The following UBA2 variants were observed in gnomAD, a reference collection of about 807,000 sequenced individuals.
The protein encoded by UBA2 is ubiquitin like modifier activating enzyme 2, also known as SUMO-activating enzyme subunit 2.
In UBA2, 11 loss-of-function variants were observed where a neutral mutation model predicts 77.2. The observed-to-expected ratio is 0.14, with a 90% CI of 0.09 to 0.24. The LOEUF (loss-of-function observed/expected upper bound fraction) is 0.24. Ranked by LOEUF, UBA2 falls within the 10% of genes least tolerant of loss-of-function variation. The pLI, the probability that UBA2 is intolerant of heterozygous loss-of-function variation, is 1.00. For synonymous variants in UBA2, 278 were observed against 276.7 expected (o/e 1.00, Z -0.05); for missense variants, 487 against 781.7 (o/e 0.62, Z 4.50).
intron 12 of UBA2, among the ~76,000 whole-genome samples, chr19:34,456,957 T>G (rs1489705237): frequency 6.6e-6 from 1 of 151,484 alleles, no homozygotes; most frequent in African/African-American, 2.4e-5. Context: ...CTGAACTTAT[T>G]AAAATGTCTG....
chr19:34,434,397 T>C (rs1006722016), intron 4 of UBA2, among the ~76,000 whole-genome samples: 1 of 152,236 alleles, frequency 6.6e-6, no homozygotes. Context: ...ATTATGGGCA[T>C]GAGCCAGTGC....
chr19:34,469,123 A>G lies in UBA2; in HGVS notation c.1825A>G (p.Ser609Gly), dbSNP rs2075715776. The change falls in exon 17 of 17, where the codon AGC (serine) becomes GGC (glycine). Residue 609 changes from serine to glycine, a missense_variant. This residue lies in a region of UBA2 where 40 missense variants were observed against 36.6 expected (regional missense o/e 1.09). Transcript: ENST00000246548. ...NNADVSEEER[S>G]RKRKLDEKEN... is the part of the protein sequence containing the mutation. ...TGCCGACGTCAGTGAAGAAGAGAGA[A>G]GCCGCAAGAGGAAATTAGATGAGAA... 1 of 1,613,612 alleles carries G rather than the reference A, an allele frequency of 6.2e-7. No homozygotes were observed. The highest frequency in any genetic ancestry group is 8.5e-7 in the Non-Finnish European group (1 of 1,179,802).
intron 5 of UBA2, among the ~76,000 whole-genome samples, chr19:34,435,698 C>T (rs929016300): frequency 6.6e-6 from 1 of 151,808 alleles, no homozygotes; most frequent in Non-Finnish European, 1.5e-5. Context: ...GGTGTGGAGG[C>T]GTGTACCTGT....
At chr19:34,455,197 T>G (rs1370204852) in intron 12 of UBA2, among the ~76,000 whole-genome samples, 1 of 152,222 alleles carries the variant, frequency 6.6e-6, no homozygotes, top group Admixed American at 6.5e-5. Context: ...TCAATACCTA[T>G]GTATTCAGAC....
In UBA2 at chr19:34,450,342, C is replaced by G. The variant is rs1283887774; in HGVS notation, c.849C>G (p.Asp283Glu). Residue 283 changes from aspartate to glutamate, a missense_variant, in exon 9 of 17, where the codon GAC (aspartate) becomes GAG (glutamate). Asp to Glu is a conservative substitution (Grantham distance 45). Coordinates refer to ENST00000246548, the MANE Select transcript of UBA2 (RefSeq NM_005499.3). ...WRKRKPPVPLDWAEVQSQGEE... is the reference protein window; with the variant it reads ...WRKRKPPVPLEWAEVQSQGEE... Reference sequence around the variant, plus strand: ...AAAGGAAACCTCCAGTTCCGTTGGACTGGGCTGAAGTACAAAGTCAAGGTA... The same window carrying G: ...AAAGGAAACCTCCAGTTCCGTTGGAGTGGGCTGAAGTACAAAGTCAAGGTA... 1 of 1,608,482 alleles carries G rather than the reference C, an allele frequency of 6.2e-7. No individual in the cohort carries two copies. The highest frequency in any genetic ancestry group is 1.3e-5 in the African/African-American group (1 of 74,528).
Position 34,470,424 on chromosome 19 carries a change from G to C in UBA2, c.*1203G>C, listed in dbSNP as rs1226834718. On this transcript the variant is annotated 3_prime_UTR_variant, in exon 17 of 17. Coordinates refer to ENST00000246548, the MANE Select transcript of UBA2 (RefSeq NM_005499.3). ...AGCTACTCAGGAGGCTGAGGCAGGA[G>C]GATGGCTGGAGCCCAGAAGTTCAAG... The C allele has an allele frequency of 6.6e-6, 1 of 152,270 alleles. No homozygotes were observed. The highest frequency in any genetic ancestry group is 6.5e-5 in the Admixed American group (1 of 15,282). The allele number at this position is 152,270 out of a possible 1,614,324, so 9.4% of individuals were successfully genotyped here.
intron 12 of UBA2, 71 bp from the exon 13 acceptor site, chr19:34,458,698 A>C (rs2075599613): frequency 7.6e-7 from 1 of 1,317,760 alleles, no homozygotes; most frequent in Non-Finnish European, 1.0e-6. Context: ...CTGGTAAACG[A>C]GATTTTAGAT....
At chr19:34,463,496 C>T (rs146462714) in intron 14 of UBA2, among the ~76,000 whole-genome samples, 181 of 152,320 alleles carry the variant, frequency 1.2e-3, no homozygotes, top group African/African-American at 4.2e-3. Context: ...CCTTTGCTTG[C>T]AGATAGCTGC....
chr19:34,463,676 G>C (rs539202607), intron 14 of UBA2, among the ~76,000 whole-genome samples: 71 of 152,134 alleles, frequency 4.7e-4, no homozygotes, highest in African/African-American at 1.7e-3. Flanking sequence ...ACAGTCACAC[G>C]CCTCACTGTG....
At chr19:34,449,690 ATAAT>A (rs956871844) in intron 8 of UBA2, among the ~76,000 whole-genome samples, 61 of 152,286 alleles carry the variant, frequency 4.0e-4, no homozygotes, top group African/African-American at 1.4e-3. Flanking sequence ...TGTTTTTGTA[ATAAT>A]TGTGTGGGGG....
intron 8 of UBA2, 85 bp downstream of exon 8, chr19:34,445,206 T>A: frequency 7.2e-7 from 1 of 1,389,102 alleles, no homozygotes; most frequent in South Asian, 1.4e-5. Context: ...TTTAAAATAG[T>A]CCATAAAATT....
At chr19:34,439,469 A>G (rs2075345014) in intron 6 of UBA2, among the ~76,000 whole-genome samples, 1 of 152,360 alleles carries the variant, frequency 6.6e-6, no homozygotes, top group Admixed American at 6.5e-5. Context: ...AAGGCTGAAC[A>G]TTAATTACTA....
chr19:34,434,118 A>T (rs1320700367), intron 4 of UBA2, among the ~76,000 whole-genome samples: 2 of 152,084 alleles, frequency 1.3e-5, no homozygotes, highest in African/African-American at 4.8e-5. Context: ...AGTCAAAATT[A>T]CGTTTATTTT....
intron 7 of UBA2, 75 bp from the exon 8 acceptor site, chr19:34,444,925 A>G: frequency 6.8e-7 from 1 of 1,464,866 alleles, no homozygotes; most frequent in South Asian, 1.4e-5. Flanking sequence ...CTTTCTTTTT[A>G]TTCCCAAAGG....
intron 10 of UBA2, among the ~76,000 whole-genome samples, chr19:34,453,477 A>G (rs932206829): frequency 2.0e-5 from 3 of 151,990 alleles, no homozygotes; most frequent in African/African-American, 7.3e-5. Context: ...GGGGAGTGAA[A>G]AAGAGTCATC....
At position 34,433,372 on chromosome 19, in the gene UBA2, C is replaced by T. The variant is rs140463684; in HGVS notation, c.318C>T (p.Phe106=). 6.9e-5 allele frequency: 112 copies of T among 1,611,866 alleles called. No homozygotes were observed. In the African/African-American group the frequency reaches 1.1e-3, roughly 16 times the overall value. ...IMNPDYNVEF[F]RQFILVMNAL... ...GCCCTGACTATAATGTGGAATTTTT[C>T]CGACAGTTTATACTGGTTATGAATG... is the stretch of plus-strand genomic sequence containing the variant. Residue 106 remains phenylalanine (F), a synonymous_variant, in exon 4 of 17, where the codon TTC becomes TTT. Coordinates refer to ENST00000246548, the MANE Select transcript of UBA2 (RefSeq NM_005499.3).
At chr19:34,458,661 A>AT (rs1413153578) in intron 12 of UBA2, 108 bp from the exon 13 acceptor site, 43 of 995,568 alleles carry the variant, frequency 4.3e-5, no homozygotes, top group Non-Finnish European at 5.9e-5. Flanking sequence ...CTGGACGGGA[A>AT]TTTTTAAGTC....
chr19:34,431,990 A>T (rs932643665), intron 3 of UBA2, 59 bp downstream of exon 3: 48 of 1,232,580 alleles, frequency 3.9e-5, no homozygotes, highest in Non-Finnish European at 5.3e-5. Context: ...CAAATATATA[A>T]GCTCAAAGTC....
At chr19:34,456,084 C>CTCTT (rs2075556091) in intron 12 of UBA2, among the ~76,000 whole-genome samples, 1 of 123,198 alleles carries the variant, frequency 8.1e-6, no homozygotes, top group Admixed American at 8.6e-5. Context: ...GCCCGATGCG[C>CTCTT]TCTTTTTTTC....
Sources: allele counts gnomAD v4.1 joint callset (sites outside exome capture counted in the v4.1 genomes callset), GRCh38; gene constraint gnomAD v4.1.1; regional missense constraint gnomAD v4.1.1; transcripts MANE v1.5; gene names NCBI Gene and HGNC (gene_info 2026-07-23, HGNC 2026-07-21).